Variants in DNAJC12 observed in about 807,000 individuals in gnomAD.
DNAJC12 encodes dnaJ homolog subfamily C member 12.
DNAJC12 carries 25 observed loss-of-function variants against 28.5 expected under a neutral mutation model. The ratio of observed to expected loss-of-function variants is 0.88; its 90% CI spans 0.64 to 1.22. The LOEUF (loss-of-function observed/expected upper bound fraction) is 1.22. DNAJC12 is among the 50% of genes most tolerant of loss of function. DNAJC12 has a pLI of 0.00. For synonymous variants in DNAJC12, 77 were observed against 80.6 expected, an observed-to-expected ratio of 0.95 and a Z score of 0.24; for missense variants, 222 against 231.7, an observed-to-expected ratio of 0.96 and a Z score of 0.27.
chr10:67,830,274 G>A (rs1424548974), intron 1 of DNAJC12, among the ~76,000 whole-genome samples: 1 of 151,670 alleles, frequency 6.6e-6, no homozygotes, highest in Non-Finnish European at 1.5e-5. Flanking sequence ...TCGCGCCACT[G>A]CACTCCAGCC....
At chr10:67,815,415 G>A (rs2131800402) in intron 2 of DNAJC12, among the ~76,000 whole-genome samples, 2 of 151,112 alleles carry the variant, frequency 1.3e-5, no homozygotes, top group Non-Finnish European at 2.9e-5. Context: ...GGCTGAGGCA[G>A]GAGAATCGCT....
At chr10:67,814,455 A>G (rs1389782091) in intron 2 of DNAJC12, among the ~76,000 whole-genome samples, 2 of 152,164 alleles carry the variant, frequency 1.3e-5, no homozygotes, top group Non-Finnish European at 2.9e-5. Flanking sequence ...CAGCTTAGGC[A>G]AGAGCTCCTT....
intron 1 of DNAJC12, among the ~76,000 whole-genome samples, chr10:67,835,436 A>G (rs1378534954): frequency 6.6e-6 from 1 of 152,158 alleles, no homozygotes; most frequent in Non-Finnish European, 1.5e-5. Context: ...TCACGTCTGT[A>G]ATCCCAGTAT....
chr10:67,829,397 T>C (rs932058931), intron 1 of DNAJC12, among the ~76,000 whole-genome samples: 4 of 152,142 alleles, frequency 2.6e-5, no homozygotes, highest in African/African-American at 9.7e-5. Flanking sequence ...TCCCAGCACT[T>C]GGGGAGGCCG....
At chr10:67,826,746 T>C (rs1240864514) in intron 1 of DNAJC12, among the ~76,000 whole-genome samples, 3 of 114,780 alleles carry the variant, frequency 2.6e-5, no homozygotes, top group Non-Finnish European at 5.2e-5. Context: ...ATATAATATA[T>C]ATCATTATAT....
In DNAJC12 at chr10:67,811,670, A is replaced by C. The variant is rs1841862126; in HGVS notation, c.158-7T>G. On this transcript the variant is annotated splice_region_variant and splice_polypyrimidine_tract_variant and intron_variant, in intron 2 of 4. Transcript: ENST00000225171. ...AGTTTCTGAAAAGTCTCCACTGGAA[A>C]ACAAATCAAGAAATGAGCACTTCTC... 6.2e-7 allele frequency: 1 copy of C among 1,609,750 alleles called. No homozygotes were observed. Among genetic ancestry groups the C allele is most frequent in the Non-Finnish European group, 8.5e-7 (1 of 1,177,982 alleles).
intron 2 of DNAJC12, among the ~76,000 whole-genome samples, chr10:67,822,835 A>G (rs1249915949): frequency 6.7e-6 from 1 of 149,060 alleles, no homozygotes; most frequent in Non-Finnish European, 1.5e-5. Flanking sequence ...AAAAAATACA[A>G]AAAAAAAAAA....
intron 1 of DNAJC12, among the ~76,000 whole-genome samples, chr10:67,828,165 C>T (rs933063873): frequency 5.3e-5 from 8 of 152,140 alleles, no homozygotes; most frequent in Admixed American, 1.3e-4. Flanking sequence ...AGGATTGTAA[C>T]GACCAGTGTT....
intron 2 of DNAJC12, among the ~76,000 whole-genome samples, chr10:67,814,296 TAAATATCA>T (rs1841892199): frequency 6.6e-6 from 1 of 152,080 alleles, no homozygotes; most frequent in South Asian, 2.1e-4. Context: ...CTAGGATAAC[TAAATATCA>T]ATATATAAAA....
intron 1 of DNAJC12, chr10:67,834,128 T>C (rs1381101760): frequency 4.6e-6 from 2 of 436,632 alleles, no homozygotes; most frequent in Admixed American, 5.9e-5. Flanking sequence ...TTAGTTTATG[T>C]ATATGAGTAC....
At chr10:67,834,948 A>G (rs1842128484) in intron 1 of DNAJC12, among the ~76,000 whole-genome samples, 1 of 152,244 alleles carries the variant, frequency 6.6e-6, no homozygotes, top group African/African-American at 2.4e-5. Context: ...AAATCCTCCC[A>G]TAATTTATAT....
At chr10:67,824,255 T>A (rs555432879) in intron 1 of DNAJC12, among the ~76,000 whole-genome samples, 262 of 136,198 alleles carry the variant, frequency 1.9e-3, no homozygotes, top group Middle Eastern at 4.0e-3. Context: ...AAAAAAAAAA[T>A]ATTTAAATAC....
intron 4 of DNAJC12, among the ~76,000 whole-genome samples, chr10:67,805,187 C>T (rs9299493): frequency 0.17 from 25,780 of 152,046 alleles, 2,378 homozygotes; most frequent in African/African-American, 0.24. Context: ...AACCTCCTGG[C>T]CTTTGGTTTT....
chr10:67,819,325 A>G (rs1386469868), intron 2 of DNAJC12, among the ~76,000 whole-genome samples: 3 of 151,570 alleles, frequency 2.0e-5, no homozygotes, highest in Non-Finnish European at 4.4e-5. Flanking sequence ...ACAGAGCGAG[A>G]AGCCGTCTCA....
intron 1 of DNAJC12, among the ~76,000 whole-genome samples, chr10:67,824,892 C>G (rs1373339590): frequency 2.6e-5 from 4 of 152,126 alleles, no homozygotes; most frequent in African/African-American, 9.6e-5. Flanking sequence ...CACCACCACG[C>G]CTGGCTAATT....
chr10:67,799,304 T>C (rs1379656559), intron 4 of DNAJC12, among the ~76,000 whole-genome samples: 1 of 152,144 alleles, frequency 6.6e-6, no homozygotes, highest in Non-Finnish European at 1.5e-5. Context: ...ACACTGACAC[T>C]TTTTAAAGAA....
At chr10:67,825,538 A>G (rs530031216) in intron 1 of DNAJC12, 1 of 145,794 alleles carries the variant, frequency 6.9e-6, no homozygotes, top group Non-Finnish European at 1.5e-5. Flanking sequence ...GGCTCAAGCA[A>G]TCCCCTTGCT....
intron 1 of DNAJC12, among the ~76,000 whole-genome samples, chr10:67,825,038 C>G (rs557061425): frequency 6.6e-6 from 1 of 151,962 alleles, no homozygotes; most frequent in South Asian, 2.1e-4. Context: ...CCTGGGAAGA[C>G]GGCTTGGTTT....
chr10:67,823,428 TG>T, intron 1 of DNAJC12, 36 bp from the exon 2 acceptor site: 1 of 1,587,152 alleles, frequency 6.3e-7, no homozygotes, highest in East Asian at 2.2e-5. Flanking sequence ...TAAAGAGTCA[TG>T]CCAGGCGCAG....
Sources: gnomAD v4.1 joint callset for allele counts (sites outside exome capture counted in the v4.1 genomes callset) on GRCh38, gnomAD v4.1.1 for gene constraint, MANE v1.5 for transcripts, NCBI Gene and HGNC (gene_info 2026-07-23, HGNC 2026-07-21) for gene names.